Variants in KCNQ1 observed in about 807,000 individuals in gnomAD.
KCNQ1 encodes the protein potassium voltage-gated channel subfamily KQT member 1.
Under a neutral mutation model 72.4 loss-of-function variants are expected in KCNQ1, and 49 were observed. The ratio of observed to expected loss-of-function variants is 0.68; its 90% CI spans 0.54 to 0.86. The LOEUF (loss-of-function observed/expected upper bound fraction) is 0.86. Ranked by LOEUF, KCNQ1 falls within the 40% of genes least tolerant of loss-of-function variation. The probability of loss-of-function intolerance (pLI) is 0.00; values close to 1 mark genes in which losing one functional copy is unlikely to be tolerated. For synonymous variants in KCNQ1, 450 were observed against 412.6 expected (o/e 1.09, Z -1.10); for missense variants, 790 against 945.1 (o/e 0.84, Z 2.15).
intron 2 of KCNQ1, among the ~76,000 whole-genome samples, chr11:2,560,986 AG>A (rs1436823123): frequency 8.6e-5 from 13 of 151,878 alleles, no homozygotes; most frequent in Admixed American, 8.5e-4. Flanking sequence ...GCGGATCACG[AG>A]GTCAGGAGAT....
At chr11:2,821,748 T>G (rs755852092) in intron 15 of KCNQ1, among the ~76,000 whole-genome samples, 1 of 152,266 alleles carries the variant, frequency 6.6e-6, no homozygotes, top group Non-Finnish European at 1.5e-5. Context: ...CTGGCTGCTA[T>G]GTACTGGTCC....
rs566690283 is a variant in KCNQ1 at position 2,679,438 on chromosome 11, A to G, written c.1514+17357A>G. On this transcript the variant is annotated intron_variant, in intron 11 of 15. Coordinates refer to ENST00000155840, the MANE Select transcript of KCNQ1 (RefSeq NM_000218.3). This position sits in a 1 kb window ranked among gnomAD's most constrained non-coding sequence, Gnocchi z 4.8. ...GTACCTTCCTCAGAGGGTTGTTAGG[A>G]GGATTACACAAATTAATAATATAAA... is the stretch of plus-strand genomic sequence containing the variant. 22 of 398,618 alleles carry G rather than the reference A, an allele frequency of 5.5e-5. No individual in the cohort carries two copies. The highest frequency in any genetic ancestry group is 4.5e-4 in the African/African-American group (22 of 48,740). The allele number at this position is 398,618 out of a possible 1,614,324, so 24.7% of individuals were successfully genotyped here. A position where few individuals can be genotyped will look rare whatever the true frequency, so the allele number is the denominator to read the frequency against.
At chr11:2,548,192 C>G (rs1451115271) in intron 2 of KCNQ1, among the ~76,000 whole-genome samples, 1 of 152,156 alleles carries the variant, frequency 6.6e-6, no homozygotes, top group East Asian at 1.9e-4. Flanking sequence ...GACCCGAGGT[C>G]CCAGGGTCAT....
intron 15 of KCNQ1, among the ~76,000 whole-genome samples, chr11:2,839,009 T>TAGGTGGGC (rs61480309): frequency 9.3e-5 from 14 of 151,182 alleles, no homozygotes; most frequent in South Asian, 4.2e-4. Flanking sequence ...GGGGTTGCAC[T>TAGGTGGGC]AGGTGGGCAG....
chr11:2,635,145 G>C (rs1242272400), intron 10 of KCNQ1: 1 of 152,168 alleles, frequency 6.6e-6, no homozygotes, highest in Admixed American at 6.5e-5. Flanking sequence ...TATTCACTCT[G>C]ACGGTAGTTT....
chr11:2,531,378 A>T (rs534192271), intron 2 of KCNQ1, among the ~76,000 whole-genome samples: 1 of 152,244 alleles, frequency 6.6e-6, no homozygotes, highest in South Asian at 2.1e-4. Context: ...TGCGGCATCT[A>T]AACCAGGCAG....
rs1019376709 is a variant in KCNQ1, at chr11:2,538,431, C to T, written c.477+10413C>T. Reference sequence around the variant, plus strand: ...AGAGGCAGCAGGCAGGCTGTCTCCACCACGATGGACATCATTTATGCCCCA... The same window carrying T: ...AGAGGCAGCAGGCAGGCTGTCTCCATCACGATGGACATCATTTATGCCCCA... On this transcript the variant is annotated intron_variant, in intron 2 of 15. Coordinates refer to ENST00000155840, the MANE Select transcript of KCNQ1 (RefSeq NM_000218.3). The surrounding 1 kb of genome is among the most constrained non-coding windows in gnomAD (Gnocchi z 6.7). Among the ~76,000 whole-genome samples, 6 of 152,204 alleles carry T rather than the reference C, an allele frequency of 3.9e-5. No homozygotes were observed. The highest frequency in any genetic ancestry group is 1.4e-4 in the African/African-American group (6 of 41,454).
intron 12 of KCNQ1, chr11:2,771,486 C>T (rs1340968289): frequency 6.6e-6 from 1 of 152,036 alleles, no homozygotes; most frequent in Admixed American, 6.6e-5. Context: ...GTGGCTGAAC[C>T]AAGAAAAAAA....
rs1401639933 is a variant in KCNQ1 at position 2,769,414 on chromosome 11, G to A, written c.1590+495G>A. On this transcript the variant is annotated intron_variant, in intron 12 of 15. Transcript: ENST00000155840. The surrounding 1 kb of genome is among the most constrained non-coding windows in gnomAD (Gnocchi z 4.6). ...AGTTGGGAGGATGGAGGGAGGCTGG[G>A]CCCTGCTCTGTAAGAGGTGGGGTCC... Among the ~76,000 whole-genome samples the A allele has an allele frequency of 6.6e-6, 1 of 152,160 alleles. No individual in the cohort carries two copies. Among genetic ancestry groups the A allele is most frequent in the Non-Finnish European group, 1.5e-5 (1 of 68,032 alleles).
chr11:2,678,885 A>T lies in KCNQ1; in HGVS notation c.1514+16804A>T, dbSNP rs1850339598. ...CAGGAGTTGCCAGCTGGACCCAAGG[A>T]CCATTTCGTATACATGTATGATCAT... On this transcript the variant is annotated intron_variant, in intron 11 of 15. Coordinates refer to ENST00000155840, the MANE Select transcript of KCNQ1 (RefSeq NM_000218.3). This position sits in a 1 kb window ranked among gnomAD's most constrained non-coding sequence, Gnocchi z 4.9. 3.5e-5 allele frequency: 14 copies of T among 398,592 alleles called. No individual in the cohort carries two copies. The East Asian group carries it at 5.0e-4, about 14-fold the overall frequency. The allele number at this position is 398,592 out of a possible 1,614,324, so 24.7% of individuals were successfully genotyped here. A position where few individuals can be genotyped will look rare whatever the true frequency, so the allele number is the denominator to read the frequency against.
chr11:2,610,666 T>C (rs1428638025), intron 10 of KCNQ1: 3 of 397,936 alleles, frequency 7.5e-6, no homozygotes, highest in Non-Finnish European at 1.3e-5. Flanking sequence ...ATGCTTTTAT[T>C]TTGCCTTCTT....
rs1847880359 is a variant in KCNQ1, at chr11:2,828,327, T to G, written c.1795-19440T>G. 6.6e-6 allele frequency among the ~76,000 whole-genome samples: 1 copy of G among 152,202 alleles called. No homozygotes were observed. Among genetic ancestry groups the G allele is most frequent in the Admixed American group, 6.5e-5 (1 of 15,292 alleles). On this transcript the variant is annotated intron_variant, in intron 15 of 15. Transcript: ENST00000155840. The surrounding 1 kb of genome is among the most constrained non-coding windows in gnomAD (Gnocchi z 5.3). ...TGGTTAAACGTGATGGGTAAACACA[T>G]GTCTATTTCAGCTTCTTTGAATCCC... is the stretch of plus-strand genomic sequence containing the variant.
intron 15 of KCNQ1, among the ~76,000 whole-genome samples, chr11:2,812,390 C>G (rs556879286): frequency 1.2e-4 from 19 of 152,308 alleles, no homozygotes; most frequent in South Asian, 4.1e-4. Flanking sequence ...TTCCCTCCCC[C>G]ACCCTGGCAG....
intron 10 of KCNQ1, chr11:2,634,115 C>G (rs1028748565): frequency 2.6e-6 from 1 of 391,608 alleles, no homozygotes; most frequent in Non-Finnish European, 4.5e-6. Context: ...TTTGCTATTT[C>G]GGTGAAGATT....
rs1846957429 is a variant in KCNQ1 at position 2,498,504 on chromosome 11, A to G, written c.387-29424A>G. 6.6e-6 allele frequency among the ~76,000 whole-genome samples: 1 copy of G among 152,142 alleles called. No homozygotes were observed. Among genetic ancestry groups the G allele is most frequent in the Non-Finnish European group, 1.5e-5 (1 of 68,012 alleles). On this transcript the variant is annotated intron_variant, in intron 1 of 15. Transcript: ENST00000155840. This position sits in a 1 kb window ranked among gnomAD's most constrained non-coding sequence, Gnocchi z 4.8. ...CACTATCAGGGGAAAACCGCCTACTAAAGCCTCAGTAATACCAAATGCCCC... is the reference window on the plus strand; with the variant it reads ...CACTATCAGGGGAAAACCGCCTACTGAAGCCTCAGTAATACCAAATGCCCC...
At position 2,564,336 on chromosome 11, in the gene KCNQ1, G is replaced by A. The variant is rs1380853405; in HGVS notation, c.478-6292G>A. Among the ~76,000 whole-genome samples the A allele has an allele frequency of 6.6e-6, 1 of 152,210 alleles. No homozygotes were observed. Among genetic ancestry groups the A allele is most frequent in the Non-Finnish European group, 1.5e-5 (1 of 68,036 alleles). On this transcript the variant is annotated intron_variant, in intron 2 of 15. Coordinates refer to ENST00000155840, the MANE Select transcript of KCNQ1 (RefSeq NM_000218.3). The surrounding 1 kb of genome is among the most constrained non-coding windows in gnomAD (Gnocchi z 4.5). ...AGGCCAGGCGCGGTGACTCATGCCT[G>A]CAATCCCAGCACTTTGGAAGGCTGA...
intron 11 of KCNQ1, chr11:2,666,257 G>A: frequency 2.5e-6 from 1 of 398,676 alleles, no homozygotes; most frequent in Non-Finnish European, 4.4e-6. Flanking sequence ...GGGAGGACCA[G>A]GACCCCCGAG....
chr11:2,779,733 A>G (rs180919123), intron 15 of KCNQ1, among the ~76,000 whole-genome samples: 86 of 152,254 alleles, frequency 5.6e-4, no homozygotes, highest in African/African-American at 2.0e-3. Flanking sequence ...CTGAAGTGCA[A>G]TGGCCCCTTC....
intron 15 of KCNQ1, among the ~76,000 whole-genome samples, chr11:2,833,987 C>T (rs1356505551): frequency 1.3e-5 from 2 of 152,210 alleles, no homozygotes; most frequent in African/African-American, 2.4e-5. Flanking sequence ...GGCTGGGGGG[C>T]AGCAGAACCC....
Sources: allele counts gnomAD v4.1 joint callset (sites outside exome capture counted in the v4.1 genomes callset), GRCh38; gene constraint gnomAD v4.1.1; non-coding constraint Gnocchi (gnomAD v3.1); transcripts MANE v1.5; gene names NCBI Gene and HGNC (gene_info 2026-07-23, HGNC 2026-07-21).